Variants in RANBP17 observed in about 807,000 individuals in gnomAD.
The protein encoded by RANBP17 is RAN binding protein 17.
A neutral mutation model predicts 141.2 loss-of-function variants in RANBP17; 158 were observed. The ratio of observed to expected loss-of-function variants is 1.12; its 90% CI spans 0.98 to 1.28. RANBP17 has a LOEUF of 1.28. Among genes scored for constraint, RANBP17 ranks in the 50% most tolerant of loss-of-function variants. The probability of loss-of-function intolerance (pLI) is 0.00; values close to 1 mark genes in which losing one functional copy is unlikely to be tolerated. For missense variants in RANBP17, 1,438 were observed against 1,290.7 expected (o/e 1.11, Z -1.75); for synonymous variants, 430 against 450.0 (o/e 0.96, Z 0.56).
intron 14 of RANBP17, among the ~76,000 whole-genome samples, chr5:171,076,016 CAAT>C (rs1784898568): frequency 6.6e-6 from 1 of 151,988 alleles, no homozygotes; most frequent in South Asian, 2.1e-4. Flanking sequence ...GATTATATCT[CAAT>C]AAGTTGTTAA....
chr5:171,179,113 A>G (rs556435798), intron 16 of RANBP17, among the ~76,000 whole-genome samples: 1 of 152,246 alleles, frequency 6.6e-6, no homozygotes, highest in Non-Finnish European at 1.5e-5. Flanking sequence ...TATGTCCTGA[A>G]TGGTATTGCC....
chr5:171,073,165 T>G (rs1784726058), intron 14 of RANBP17, among the ~76,000 whole-genome samples: 2 of 151,926 alleles, frequency 1.3e-5, no homozygotes. Context: ...CTGGTGTAAA[T>G]TAAAAAATCA....
intron 14 of RANBP17, among the ~76,000 whole-genome samples, chr5:171,086,437 G>A (rs1785661323): frequency 6.6e-6 from 1 of 150,904 alleles, no homozygotes; most frequent in Non-Finnish European, 1.5e-5. Context: ...TTTTGGTTGT[G>A]TCTCTGCCAG....
At chr5:171,021,046 G>A (rs996481421) in intron 14 of RANBP17, among the ~76,000 whole-genome samples, 1 of 152,112 alleles carries the variant, frequency 6.6e-6, no homozygotes, top group African/African-American at 2.4e-5. Context: ...TAGTTTGGCT[G>A]GATATGAAAT....
intron 14 of RANBP17, among the ~76,000 whole-genome samples, chr5:171,073,323 T>C (rs1784734682): frequency 6.6e-6 from 1 of 152,186 alleles, no homozygotes; most frequent in Non-Finnish European, 1.5e-5. Flanking sequence ...ATGTTTTGAC[T>C]GGATAATGTA....
At chr5:170,911,546 G>A in intron 7 of RANBP17, 3 of 729,240 alleles carry the variant, frequency 4.1e-6, no homozygotes, top group East Asian at 2.5e-5. Flanking sequence ...TCTTGAAACT[G>A]GTCCTTAACT....
intron 5 of RANBP17, chr5:170,903,723 G>A (rs916437832): frequency 3.3e-6 from 1 of 306,270 alleles, no homozygotes. Flanking sequence ...TAGCAAAGTC[G>A]ACCTCATAGT....
chr5:170,874,423 G>A (rs905942397), intron 1 of RANBP17, among the ~76,000 whole-genome samples: 5 of 152,174 alleles, frequency 3.3e-5, no homozygotes, highest in Non-Finnish European at 7.4e-5. Flanking sequence ...AATTTTGACA[G>A]TGGGGTGTTA....
chr5:171,195,276 T>C (rs1468363033), intron 18 of RANBP17, among the ~76,000 whole-genome samples: 1 of 152,242 alleles, frequency 6.6e-6, no homozygotes, highest in Non-Finnish European at 1.5e-5. Flanking sequence ...TATGACTACA[T>C]ACTTGAATAT....
chr5:171,245,778 G>T (rs976974699), intron 24 of RANBP17, among the ~76,000 whole-genome samples: 29 of 151,940 alleles, frequency 1.9e-4, no homozygotes, highest in African/African-American at 7.0e-4. Flanking sequence ...GTGTTATGAA[G>T]TTCCTCCACA....
intron 12 of RANBP17, among the ~76,000 whole-genome samples, chr5:170,942,381 A>T (rs1774399788): frequency 6.6e-6 from 1 of 152,186 alleles, no homozygotes; most frequent in Admixed American, 6.6e-5. Flanking sequence ...CAATATGAAG[A>T]TGAATAAATA....
At chr5:171,154,365 C>T (rs1405774414) in intron 14 of RANBP17, among the ~76,000 whole-genome samples, 1 of 152,076 alleles carries the variant, frequency 6.6e-6, no homozygotes, top group African/African-American at 2.4e-5. Flanking sequence ...CAAGCTCCGC[C>T]TCCCGAGTCC....
At chr5:171,233,538 A>C (rs1281665770) in intron 22 of RANBP17, among the ~76,000 whole-genome samples, 1 of 152,224 alleles carries the variant, frequency 6.6e-6, no homozygotes, top group Non-Finnish European at 1.5e-5. Flanking sequence ...ACACCCAGAC[A>C]ATGGAATGTT....
rs1409507227 is a variant in RANBP17, at chr5:170,911,065, A to T, written c.691A>T (p.Ile231Phe). 2 of 1,611,974 alleles carry T rather than the reference A, an allele frequency of 1.2e-6. No individual in the cohort carries two copies. The highest frequency in any genetic ancestry group is 4.5e-5 in the East Asian group (2 of 44,818). Residue 231 changes from isoleucine to phenylalanine, a missense_variant, in exon 7 of 28, where the codon ATT becomes TTT. Ile to Phe is a conservative substitution (Grantham distance 21). Coordinates refer to ENST00000523189, the MANE Select transcript of RANBP17 (RefSeq NM_022897.5). ...CCTTAACTGCCTTAACTTTGACTTCATTGGCAGTTCAGCAGATGAATCTGC... is the reference window on the plus strand; with the variant it reads ...CCTTAACTGCCTTAACTTTGACTTCTTTGGCAGTTCAGCAGATGAATCTGC... Reference protein sequence around the residue: ...LVLNCLNFDFIGSSADESADD... With the variant: ...LVLNCLNFDFFGSSADESADD...
intron 25 of RANBP17, among the ~76,000 whole-genome samples, chr5:171,275,337 G>A (rs1370105375): frequency 1.3e-5 from 2 of 152,152 alleles, no homozygotes; most frequent in Non-Finnish European, 2.9e-5. Flanking sequence ...TATGGGGATT[G>A]TTTTTATACT....
chr5:171,119,392 G>T (rs1408610282), intron 14 of RANBP17, among the ~76,000 whole-genome samples: 1 of 152,062 alleles, frequency 6.6e-6, no homozygotes, highest in African/African-American at 2.4e-5. Flanking sequence ...AAAATGAGTT[G>T]GGAAAAATTT....
intron 5 of RANBP17, among the ~76,000 whole-genome samples, chr5:170,905,799 T>C (rs1272656074): frequency 6.6e-6 from 1 of 152,132 alleles, no homozygotes; most frequent in Non-Finnish European, 1.5e-5. Flanking sequence ...AACTTTTTGC[T>C]AATTTTGAAA....
At chr5:171,171,154 C>A in intron 15 of RANBP17, 52 bp from the exon 16 acceptor site, 1 of 991,442 alleles carries the variant, frequency 1.0e-6, no homozygotes, top group Non-Finnish European at 1.5e-6. Flanking sequence ...TCTGGTTCTC[C>A]TTAGACAAGC....
intron 24 of RANBP17, among the ~76,000 whole-genome samples, chr5:171,243,666 C>G (rs1458810694): frequency 2.0e-5 from 3 of 152,216 alleles, no homozygotes; most frequent in South Asian, 4.1e-4. Flanking sequence ...TCCAGTTGCT[C>G]TGTATACTCA....
Sources: gnomAD v4.1 joint callset for allele counts (sites outside exome capture counted in the v4.1 genomes callset) on GRCh38, gnomAD v4.1.1 for gene constraint, MANE v1.5 for transcripts, NCBI Gene and HGNC (gene_info 2026-07-23, HGNC 2026-07-21) for gene names.